Variants in KIAA1217 observed in about 807,000 individuals in gnomAD.
KIAA1217 encodes the protein KIAA1217, also known as sickle tail protein homolog.
In KIAA1217, 88 loss-of-function variants were observed where a neutral mutation model predicts 163.9. That is an observed-to-expected ratio of 0.54 (90% CI 0.45 to 0.64). The LOEUF is 0.64. Among genes scored for constraint, KIAA1217 ranks in the 30% least tolerant of loss-of-function variants. KIAA1217 has a pLI of 0.00. For synonymous variants in KIAA1217, 903 were observed against 923.1 expected (o/e 0.98, Z 0.39); for missense variants, 2,372 against 2,475.0 (o/e 0.96, Z 0.88).
chr10:24,054,606 AG>A (rs1849752052), intron 2 of KIAA1217, among the ~76,000 whole-genome samples: 1 of 152,372 alleles, frequency 6.6e-6, no homozygotes, highest in East Asian at 1.9e-4. Context: ...CCCCTTCTGC[AG>A]TTGCAAACAA....
chr10:23,751,755 G>C (rs10828537), intron 1 of KIAA1217, among the ~76,000 whole-genome samples: 2 of 151,872 alleles, frequency 1.3e-5, no homozygotes, highest in Non-Finnish European at 2.9e-5. Context: ...TTTCTTTACT[G>C]TATTTTAAGC....
chr10:24,068,220 G>A (rs150798846), intron 2 of KIAA1217, among the ~76,000 whole-genome samples: 34 of 152,284 alleles, frequency 2.2e-4, no homozygotes, highest in East Asian at 7.7e-4. Context: ...GAAATCACCC[G>A]TCTTCTGCGT....
intron 2 of KIAA1217, among the ~76,000 whole-genome samples, chr10:24,054,036 T>A (rs975569628): frequency 6.6e-6 from 1 of 152,106 alleles, no homozygotes; most frequent in Non-Finnish European, 1.5e-5. Flanking sequence ...CAGTGAACAT[T>A]TATTAGGCTA....
intron 5 of KIAA1217, among the ~76,000 whole-genome samples, chr10:24,449,949 A>T (rs1177819180): frequency 6.6e-6 from 1 of 152,184 alleles, no homozygotes; most frequent in Non-Finnish European, 1.5e-5. Flanking sequence ...TATTGACATT[A>T]TTCTGTTTTT....
intron 2 of KIAA1217, among the ~76,000 whole-genome samples, chr10:24,017,252 A>G (rs939923940): frequency 6.6e-6 from 1 of 151,722 alleles, no homozygotes; most frequent in Admixed American, 6.6e-5. Flanking sequence ...TAGAGACAGG[A>G]TCTTGCTATG....
At chr10:24,101,855 G>A (rs1233283707) in intron 2 of KIAA1217, among the ~76,000 whole-genome samples, 3 of 152,028 alleles carry the variant, frequency 2.0e-5, no homozygotes, top group Non-Finnish European at 4.4e-5. Flanking sequence ...CTTGGATGTT[G>A]GATTTTTAGT....
chr10:23,742,515 A>G lies in KIAA1217; in HGVS notation c.-321+47281A>G, dbSNP rs543850254. 3.9e-5 allele frequency among the ~76,000 whole-genome samples: 6 copies of G among 152,340 alleles called. No homozygotes were observed. In the South Asian group the frequency reaches 1.2e-3, roughly 32 times the overall value. On this transcript the variant is annotated intron_variant, in intron 1 of 18. Coordinates refer to the KIAA1217 transcript ENST00000376462. ...GGGAGGGCTTGGGGAGCTTCCAATC[A>G]TGGCAGAAGGCAAAGCAGAAGCAGG... is the stretch of plus-strand genomic sequence containing the variant.
At chr10:24,070,353 GA>G in intron 2 of KIAA1217, among the ~76,000 whole-genome samples, 6 of 151,042 alleles carry the variant, frequency 4.0e-5, no homozygotes, top group African/African-American at 2.4e-5. Context: ...AAAATACATT[GA>G]AAAAAATGAA....
chr10:24,370,941 A>G (rs1395646364), intron 2 of KIAA1217, among the ~76,000 whole-genome samples: 3 of 152,362 alleles, frequency 2.0e-5, no homozygotes, highest in Non-Finnish European at 2.9e-5. Context: ...TAAAAATTGC[A>G]TGAACGTATT....
At chr10:23,787,389 T>A (rs1835542150) in intron 1 of KIAA1217, among the ~76,000 whole-genome samples, 1 of 152,126 alleles carries the variant, frequency 6.6e-6, no homozygotes, top group African/African-American at 2.4e-5. Context: ...CCTGACAATA[T>A]CATCAGTGAT....
intron 2 of KIAA1217, among the ~76,000 whole-genome samples, chr10:24,061,852 T>G (rs1171920145): frequency 6.6e-6 from 1 of 152,170 alleles, no homozygotes; most frequent in African/African-American, 2.4e-5. Context: ...ATAACGTGCC[T>G]TTGTGTATAT....
Position 24,499,360 on chromosome 10 carries a change from A to C in KIAA1217, c.1835-2019A>C, listed in dbSNP as rs137918497. Among the ~76,000 whole-genome samples, 796 of 152,334 alleles carry C rather than the reference A, an allele frequency of 5.2e-3. 5 individuals carry two copies. The highest frequency in any genetic ancestry group is 0.024 in the Middle Eastern group (7 of 294). ...GACAAATCTTGCTCTTTCGAGGATG[A>C]TTTTGATTTGAGGGGTGGAGGAACC... is the stretch of plus-strand genomic sequence containing the variant. On this transcript the variant is annotated intron_variant, in intron 8 of 20. Transcript: ENST00000376454.
chr10:24,348,468 G>A (rs2048069790), intron 2 of KIAA1217, among the ~76,000 whole-genome samples: 1 of 152,046 alleles, frequency 6.6e-6, no homozygotes, highest in African/African-American at 2.4e-5. Flanking sequence ...AAATATCATT[G>A]CAGATAAATT....
chr10:23,818,351 A>AATATATAT (rs1554802293), intron 1 of KIAA1217, among the ~76,000 whole-genome samples: 3 of 134,908 alleles, frequency 2.2e-5, no homozygotes, highest in African/African-American at 8.4e-5. Context: ...TATATAAAAA[A>AATATATAT]ATATATATAT....
chr10:24,299,390 G>A (rs1042190230), intron 2 of KIAA1217, among the ~76,000 whole-genome samples: 2 of 152,072 alleles, frequency 1.3e-5, no homozygotes, highest in South Asian at 2.1e-4. Context: ...TCATGGCAAC[G>A]TAAGTGCCTT....
At chr10:24,490,411 T>C (rs2065960179) in intron 6 of KIAA1217, among the ~76,000 whole-genome samples, 1 of 152,240 alleles carries the variant, frequency 6.6e-6, no homozygotes, top group African/African-American at 2.4e-5. Context: ...CTTTGCTTTC[T>C]TCCCTTTCAA....
chr10:24,008,529 A>G (rs990606800), intron 2 of KIAA1217, among the ~76,000 whole-genome samples: 1 of 152,194 alleles, frequency 6.6e-6, no homozygotes, highest in African/African-American at 2.4e-5. Flanking sequence ...AAACCACCAG[A>G]TGAAGGAGGG....
chr10:24,021,231 A>G (rs573267244), intron 2 of KIAA1217, among the ~76,000 whole-genome samples: 117 of 152,110 alleles, frequency 7.7e-4, no homozygotes, highest in Non-Finnish European at 1.5e-3. Context: ...AAAATACTGG[A>G]ATTAATAAGC....
At chr10:24,387,339 C>T (rs906296202) in intron 3 of KIAA1217, among the ~76,000 whole-genome samples, 4 of 152,102 alleles carry the variant, frequency 2.6e-5, no homozygotes, top group Admixed American at 1.3e-4. Context: ...AAAAGGCCTT[C>T]GACAAGATTA....
Sources: allele counts gnomAD v4.1 joint callset (sites outside exome capture counted in the v4.1 genomes callset), GRCh38; gene constraint gnomAD v4.1.1; transcripts MANE v1.5; gene names NCBI Gene and HGNC (gene_info 2026-07-23, HGNC 2026-07-21).